PCDH15: variants seen among roughly 807,000 people sequenced by gnomAD.
PCDH15 encodes protocadherin-15.
A neutral mutation model predicts 178.5 loss-of-function variants in PCDH15; 129 were observed. The observed-to-expected ratio is 0.72, with a 90% confidence interval of 0.63 to 0.84. The LOEUF is 0.84. Among genes scored for constraint, PCDH15 ranks in the 40% least tolerant of loss-of-function variants. PCDH15 has a pLI of 0.00. For missense variants in PCDH15, 2,230 were observed against 2,099.9 expected, an observed-to-expected ratio of 1.06 and a Z score of -1.21; for synonymous variants, 800 against 732.0, an observed-to-expected ratio of 1.09 and a Z score of -1.50.
intron 3 of PCDH15, among the ~76,000 whole-genome samples, chr10:54,867,451 C>T (rs1419687748): frequency 6.6e-6 from 1 of 152,102 alleles, no homozygotes; most frequent in African/African-American, 2.4e-5. Context: ...CATTATTTTA[C>T]ATTATCTTGA....
In PCDH15 at chr10:54,118,175, T is replaced by C. The variant is rs556305718; in HGVS notation, c.1917+14700A>G. 5.3e-5 allele frequency among the ~76,000 whole-genome samples: 8 copies of C among 152,198 alleles called. No homozygotes were observed. In the South Asian group the frequency reaches 1.5e-3, roughly 28 times the overall value. On this transcript the variant is annotated intron_variant, in intron 15 of 37. Coordinates refer to ENST00000644397, the MANE Select transcript of PCDH15 (RefSeq NM_001384140.1). ...GTCTACAGTAACCAAAACAACATGC[T>C]ACTGGTAGAAAAACAAACCCATATA...
At chr10:54,501,004 C>A (rs1190220384) in intron 3 of PCDH15, among the ~76,000 whole-genome samples, 1 of 151,960 alleles carries the variant, frequency 6.6e-6, no homozygotes, top group Non-Finnish European at 1.5e-5. Context: ...AACCAAACAC[C>A]ACATGTTCTC....
At chr10:55,378,908 T>TCTCTCTCTCTCA (rs61280428) in intron 2 of PCDH15, among the ~76,000 whole-genome samples, 1 of 148,796 alleles carries the variant, frequency 6.7e-6, no homozygotes, top group Non-Finnish European at 1.5e-5. Context: ...TCTCTCTCTC[T>TCTCTCTCTCTCA]CACATATGCC....
intron 37 of PCDH15, among the ~76,000 whole-genome samples, chr10:53,809,737 T>C (rs1156855963): frequency 1.3e-5 from 2 of 152,210 alleles, no homozygotes; most frequent in East Asian, 3.9e-4. Flanking sequence ...AAGTAAATTA[T>C]TTTATTTTAG....
chr10:54,666,772 A>T (rs1457406151), intron 1 of PCDH15, among the ~76,000 whole-genome samples: 1 of 152,038 alleles, frequency 6.6e-6, no homozygotes, highest in African/African-American at 2.4e-5. Flanking sequence ...AAAGGACAAA[A>T]GGACATAGTT....
At chr10:54,992,370 C>A (rs1012227083) in intron 2 of PCDH15, among the ~76,000 whole-genome samples, 3 of 152,136 alleles carry the variant, frequency 2.0e-5, no homozygotes, top group Admixed American at 2.0e-4. Context: ...GATGAGCATG[C>A]AGCTCAAGTC....
At chr10:55,450,693 T>C (rs1158223763) in intron 2 of PCDH15, among the ~76,000 whole-genome samples, 1 of 152,130 alleles carries the variant, frequency 6.6e-6, no homozygotes, top group Non-Finnish European at 1.5e-5. Flanking sequence ...CCAGGTTTTC[T>C]TTTCAAGCAC....
intron 2 of PCDH15, among the ~76,000 whole-genome samples, chr10:55,387,581 T>C (rs1393297867): frequency 1.3e-5 from 2 of 152,140 alleles, no homozygotes; most frequent in Non-Finnish European, 2.9e-5. Flanking sequence ...GTGACAGCTG[T>C]ATATATGTAT....
intron 2 of PCDH15, among the ~76,000 whole-genome samples, chr10:55,601,488 T>A (rs1471673302): frequency 1.3e-5 from 2 of 152,080 alleles, no homozygotes; most frequent in East Asian, 1.9e-4. Flanking sequence ...TTAAACTAGA[T>A]CATGCAGAAT....
At chr10:54,030,195 T>C (rs1050664332) in intron 18 of PCDH15, among the ~76,000 whole-genome samples, 2 of 152,024 alleles carry the variant, frequency 1.3e-5, no homozygotes, top group African/African-American at 4.8e-5. Flanking sequence ...TGCTCTACCT[T>C]TTGCTTGTCC....
chr10:55,099,680 T>G (rs927870333), intron 2 of PCDH15, among the ~76,000 whole-genome samples: 3 of 152,078 alleles, frequency 2.0e-5, no homozygotes, highest in Admixed American at 6.6e-5. Context: ...CCATAAGAGT[T>G]GTTTGATTAT....
At chr10:55,022,227 C>T (rs1025108275) in intron 2 of PCDH15, among the ~76,000 whole-genome samples, 11 of 151,710 alleles carry the variant, frequency 7.3e-5, no homozygotes, top group East Asian at 1.9e-4. Context: ...CCAAGGCAGC[C>T]GGATCACTTG....
intron 2 of PCDH15, among the ~76,000 whole-genome samples, chr10:55,067,076 G>C (rs1412781078): frequency 1.3e-5 from 2 of 151,906 alleles, no homozygotes; most frequent in Non-Finnish European, 2.9e-5. Flanking sequence ...ACATGAAAGA[G>C]GTGATTTCTC....
chr10:55,282,515 A>C (rs1051011280), intron 1 of PCDH15, among the ~76,000 whole-genome samples: 1 of 152,192 alleles, frequency 6.6e-6, no homozygotes, highest in Admixed American at 6.5e-5. Context: ...ACATATATAA[A>C]TTATCTTTAA....
chr10:54,922,382 A>C (rs1837516233), intron 2 of PCDH15, among the ~76,000 whole-genome samples: 2 of 152,138 alleles, frequency 1.3e-5, no homozygotes, highest in Non-Finnish European at 2.9e-5. Flanking sequence ...ATTGGCCAAA[A>C]CAAGGGAGCT....
chr10:54,008,173 G>A (rs563021520), intron 20 of PCDH15, among the ~76,000 whole-genome samples: 3 of 152,198 alleles, frequency 2.0e-5, no homozygotes, highest in African/African-American at 7.2e-5. Context: ...ATAAAAAAGT[G>A]GTATTACATA....
At chr10:54,031,999 G>A (rs908112349) in intron 18 of PCDH15, among the ~76,000 whole-genome samples, 10 of 151,926 alleles carry the variant, frequency 6.6e-5, no homozygotes, top group African/African-American at 2.4e-4. Flanking sequence ...TATAGGTTGA[G>A]TGTGTATATA....
At chr10:54,221,927 G>A (rs1251918382) in intron 9 of PCDH15, among the ~76,000 whole-genome samples, 2 of 152,088 alleles carry the variant, frequency 1.3e-5, no homozygotes, top group Non-Finnish European at 2.9e-5. Context: ...CTTTTCGTAG[G>A]TGTGTCTGGC....
At chr10:54,950,443 T>A (rs77198346) in intron 2 of PCDH15, among the ~76,000 whole-genome samples, 7,829 of 152,052 alleles carry the variant, frequency 0.051, 661 homozygotes, top group African/African-American at 0.18. Flanking sequence ...CTGATGGTTT[T>A]AAAATCATGA....
Sources: gnomAD v4.1 joint callset for allele counts (sites outside exome capture counted in the v4.1 genomes callset) on GRCh38, gnomAD v4.1.1 for gene constraint, MANE v1.5 for transcripts, NCBI Gene and HGNC (gene_info 2026-07-23, HGNC 2026-07-21) for gene names.